The following CPQ variants were observed in gnomAD, a reference collection of about 807,000 sequenced individuals.
CPQ encodes carboxypeptidase Q.
A neutral mutation model predicts 45.7 loss-of-function variants in CPQ; 37 were observed. The ratio of observed to expected loss-of-function variants is 0.81; its 90% confidence interval spans 0.62 to 1.07. The LOEUF (loss-of-function observed/expected upper bound fraction) is 1.07. CPQ is among the 50% of genes least tolerant of loss of function. The pLI, the probability that CPQ is intolerant of heterozygous loss-of-function variation, is 0.00. For synonymous variants in CPQ, 186 were observed against 205.8 expected (o/e 0.90, Z 0.82); for missense variants, 537 against 572.9 (o/e 0.94, Z 0.64).
chr8:96,991,190 A>T (rs1809086696), intron 5 of CPQ, among the ~76,000 whole-genome samples: 1 of 152,186 alleles, frequency 6.6e-6, no homozygotes, highest in South Asian at 2.1e-4. Context: ...TGCTGTCTCA[A>T]AAACTGCAAT....
rs1229073079 is a variant in CPQ, at chr8:96,996,146, G to T, written c.961+30100G>T. 2.6e-5 allele frequency among the ~76,000 whole-genome samples: 4 copies of T among 152,080 alleles called. No homozygotes were observed. In the East Asian group the frequency reaches 7.7e-4, roughly 29 times the overall value. On this transcript the variant is annotated intron_variant, in intron 5 of 7. Coordinates refer to ENST00000220763, the MANE Select transcript of CPQ (RefSeq NM_016134.4). ...AACAGAAATGATTTCCACAGATTCA[G>T]CAATTGAGGGCTTTTGCTGATTTTA...
chr8:97,086,629 C>A (rs528254551), intron 7 of CPQ, among the ~76,000 whole-genome samples: 1 of 152,278 alleles, frequency 6.6e-6, no homozygotes, highest in South Asian at 2.1e-4. Flanking sequence ...CACCCACCCT[C>A]ACACACAGAA....
At chr8:96,726,870 T>C (rs1337109976) in intron 1 of CPQ, among the ~76,000 whole-genome samples, 2 of 150,874 alleles carry the variant, frequency 1.3e-5, no homozygotes, top group Non-Finnish European at 2.9e-5. Context: ...ATGCAGAGAG[T>C]CCACACCAGA....
chr8:96,759,666 T>C (rs1382337647), intron 1 of CPQ, among the ~76,000 whole-genome samples: 1 of 152,160 alleles, frequency 6.6e-6, no homozygotes, highest in East Asian at 1.9e-4. Flanking sequence ...TTTTGTTTTA[T>C]AGATGAGGAG....
chr8:97,092,831 T>G (rs1811148287), intron 7 of CPQ: 2 of 151,996 alleles, frequency 1.3e-5, no homozygotes, highest in African/African-American at 4.8e-5. Flanking sequence ...TGGGACCTAA[T>G]TAAAGAGTTT....
At chr8:96,820,773 C>T (rs987150953) in intron 2 of CPQ, among the ~76,000 whole-genome samples, 1 of 151,974 alleles carries the variant, frequency 6.6e-6, no homozygotes, top group African/African-American at 2.4e-5. Context: ...GAAATAAACA[C>T]GGGAGTGCAG....
intron 4 of CPQ, among the ~76,000 whole-genome samples, chr8:96,927,975 C>G (rs1812914793): frequency 6.6e-6 from 1 of 152,176 alleles, no homozygotes; most frequent in South Asian, 2.1e-4. Flanking sequence ...ATATGTGATG[C>G]CACAATGCAG....
intron 5 of CPQ, among the ~76,000 whole-genome samples, chr8:97,016,637 G>A (rs1017906528): frequency 3.9e-5 from 6 of 152,142 alleles, no homozygotes; most frequent in African/African-American, 1.4e-4. Context: ...AGTTCTAGAG[G>A]AACATTGAGA....
chr8:96,742,264 T>A (rs930280169), intron 1 of CPQ, among the ~76,000 whole-genome samples: 1 of 152,250 alleles, frequency 6.6e-6, no homozygotes, highest in Non-Finnish European at 1.5e-5. Flanking sequence ...TTTGTTGGTT[T>A]AAAGTCTGTT....
At chr8:96,845,057 T>C (rs1234297305) in intron 3 of CPQ, among the ~76,000 whole-genome samples, 2 of 152,242 alleles carry the variant, frequency 1.3e-5, no homozygotes. Context: ...GTCCCCTTTG[T>C]CTGGAATGCT....
chr8:96,862,975 A>G (rs901311899), intron 3 of CPQ, among the ~76,000 whole-genome samples: 2 of 152,066 alleles, frequency 1.3e-5, no homozygotes, highest in African/African-American at 2.4e-5. Context: ...CTGAGTCCCA[A>G]AGAACTTCAT....
Position 96,835,264 on chromosome 8 carries a change from A to C in CPQ, c.641+84A>C, listed in dbSNP as rs545383814. On this transcript the variant is annotated intron_variant, in intron 3 of 7. Coordinates refer to ENST00000220763, the MANE Select transcript of CPQ (RefSeq NM_016134.4). ...AGTCCTTATGAAGTAAAAACAAACC[A>C]TTCAAATGAAAATACTTATTGTTCA... 37 of 1,080,382 alleles carry C rather than the reference A, an allele frequency of 3.4e-5. No individual in the cohort carries two copies. In the South Asian group the frequency reaches 5.3e-4, roughly 15 times the overall value. 66.9% of individuals were successfully genotyped at this position (1,080,382 alleles called of 1,614,324 possible).
chr8:96,969,752 A>T (rs1002003273), intron 5 of CPQ, among the ~76,000 whole-genome samples: 2 of 152,212 alleles, frequency 1.3e-5, no homozygotes, highest in African/African-American at 4.8e-5. Context: ...ATATTTGTAT[A>T]ATGTTAGATT....
At chr8:96,649,199 CCTT>C (rs1253824115) in intron 1 of CPQ, among the ~76,000 whole-genome samples, 1 of 152,182 alleles carries the variant, frequency 6.6e-6, no homozygotes, top group African/African-American at 2.4e-5. Context: ...TTGATCTCGA[CCTT>C]CTGGCTTCAA....
At chr8:97,066,910 AAC>A (rs33961443) in intron 7 of CPQ, among the ~76,000 whole-genome samples, 2,139 of 138,804 alleles carry the variant, frequency 0.015, 82 homozygotes, top group African/African-American at 0.055. Flanking sequence ...GAACAGCTGG[AAC>A]AGTCTTTTTT....
At chr8:96,748,015 C>A (rs1213511203) in intron 1 of CPQ, among the ~76,000 whole-genome samples, 1 of 152,134 alleles carries the variant, frequency 6.6e-6, no homozygotes, top group African/African-American at 2.4e-5. Context: ...AATGTCAGAG[C>A]CTTTAGTGAT....
chr8:96,704,933 A>G (rs1041243126), intron 1 of CPQ, among the ~76,000 whole-genome samples: 21 of 152,184 alleles, frequency 1.4e-4, no homozygotes, highest in Non-Finnish European at 2.9e-5. Context: ...GAGGTCTGAA[A>G]TGAATACACT....
At position 97,143,468 on chromosome 8, in the gene CPQ, G is replaced by T; in HGVS notation, c.*285G>T. 1 of 229,828 alleles carries T rather than the reference G, an allele frequency of 4.4e-6. No homozygotes were observed. Among genetic ancestry groups the T allele is most frequent in the Non-Finnish European group, 8.5e-6 (1 of 117,218 alleles). The allele number at this position is 229,828 out of a possible 1,614,324, so 14.2% of individuals were successfully genotyped here. A position where few individuals can be genotyped will look rare whatever the true frequency, so the allele number is the denominator to read the frequency against. ...TAAAAACATTGTTTCCACTTTAAAA[G>T]TAAACACTTAATAAATTTTTGGAAG... On this transcript the variant is annotated 3_prime_UTR_variant, in exon 8 of 8. Transcript: ENST00000220763.
intron 7 of CPQ, among the ~76,000 whole-genome samples, chr8:97,139,785 C>T (rs933527808): frequency 1.3e-5 from 2 of 151,730 alleles, no homozygotes; most frequent in Admixed American, 6.6e-5. Flanking sequence ...AGACAAAGTA[C>T]GTCTGCAGAG....
Sources: gnomAD v4.1 joint callset for allele counts (sites outside exome capture counted in the v4.1 genomes callset) on GRCh38, gnomAD v4.1.1 for gene constraint, MANE v1.5 for transcripts, NCBI Gene and HGNC (gene_info 2026-07-23, HGNC 2026-07-21) for gene names.